UBAC2: variants seen among roughly 807,000 people sequenced by gnomAD.
The protein encoded by UBAC2 is ubiquitin-associated domain-containing protein 2.
In UBAC2, 26 loss-of-function variants were observed where a neutral mutation model predicts 44.0. The ratio of observed to expected loss-of-function variants is 0.59; its 90% CI spans 0.43 to 0.82. The LOEUF (loss-of-function observed/expected upper bound fraction) is 0.82, where lower values mean the gene tolerates loss of function less well. Among genes scored for constraint, UBAC2 ranks in the 40% least tolerant of loss-of-function variants. The pLI, the probability that UBAC2 is intolerant of heterozygous loss-of-function variation, is 0.00. For missense variants in UBAC2, 329 were observed against 419.4 expected (o/e 0.78, Z 1.88); for synonymous variants, 155 against 154.3 (o/e 1.00, Z -0.04).
chr13:99,239,459 G>A (rs1023952881), intron 2 of UBAC2, among the ~76,000 whole-genome samples: 5 of 152,100 alleles, frequency 3.3e-5, no homozygotes, highest in Admixed American at 1.3e-4. Flanking sequence ...ACAGTATCTC[G>A]CCCCAGAACA....
intron 1 of UBAC2, among the ~76,000 whole-genome samples, chr13:99,231,145 C>CA: frequency 6.6e-6 from 1 of 152,292 alleles, no homozygotes; most frequent in East Asian, 1.9e-4. Flanking sequence ...ATTCTGTCTG[C>CA]AACCTTAACT....
intron 7 of UBAC2, among the ~76,000 whole-genome samples, chr13:99,347,118 A>C (rs1175260489): frequency 3.2e-5 from 4 of 124,726 alleles, no homozygotes; most frequent in Non-Finnish European, 7.7e-5. Context: ...ATCTCTATTT[A>C]AAGAAAAAAA....
chr13:99,374,512 G>A (rs1207513242), intron 8 of UBAC2, among the ~76,000 whole-genome samples: 5 of 152,134 alleles, frequency 3.3e-5, no homozygotes, highest in Non-Finnish European at 5.9e-5. Flanking sequence ...AGAGAGAATG[G>A]CTTTAAACCC....
intron 1 of UBAC2, among the ~76,000 whole-genome samples, chr13:99,231,974 A>G (rs1286133434): frequency 6.6e-6 from 1 of 152,192 alleles, no homozygotes; most frequent in Non-Finnish European, 1.5e-5. Context: ...TTGTTTTACC[A>G]AATCATGGTA....
chr13:99,368,104 T>C (rs2138897029), intron 8 of UBAC2, among the ~76,000 whole-genome samples, 198 bp downstream of exon 8: 1 of 152,132 alleles, frequency 6.6e-6, no homozygotes, highest in East Asian at 1.9e-4. Context: ...GCATTATTGG[T>C]TGGGGGGCGG....
At position 99,318,084 on chromosome 13, in the gene UBAC2, C is replaced by T. The variant is rs746227780; in HGVS notation, c.561+15C>T. On this transcript the variant is annotated intron_variant, in intron 6 of 8. Coordinates refer to ENST00000403766, the MANE Select transcript of UBAC2 (RefSeq NM_001144072.2). Reference sequence around the variant, plus strand: ...TAAGTGGACTTGTAAGTGTGACTACCCTTTTACACCCAATTCTCTCTCTCT... The same window carrying T: ...TAAGTGGACTTGTAAGTGTGACTACTCTTTTACACCCAATTCTCTCTCTCT... The T allele has an allele frequency of 6.2e-7, 1 of 1,604,156 alleles. No homozygotes were observed. The highest frequency in any genetic ancestry group is 8.5e-7 in the Non-Finnish European group (1 of 1,172,128).
chr13:99,267,960 G>A (rs2043764893), intron 4 of UBAC2, among the ~76,000 whole-genome samples: 3 of 152,186 alleles, frequency 2.0e-5, no homozygotes, highest in Admixed American at 6.5e-5. Flanking sequence ...GGCCTGGTCT[G>A]GTGGAGCACC....
intron 6 of UBAC2, among the ~76,000 whole-genome samples, chr13:99,326,257 A>T (rs1277957495): frequency 6.6e-6 from 1 of 152,006 alleles, no homozygotes; most frequent in Middle Eastern, 3.2e-3. Flanking sequence ...GTGATACCAC[A>T]TTGTGGTTTT....
chr13:99,358,186 C>T (rs2045215465), intron 7 of UBAC2, among the ~76,000 whole-genome samples: 1 of 152,148 alleles, frequency 6.6e-6, no homozygotes, highest in Non-Finnish European at 1.5e-5. Flanking sequence ...CAGTGGCAGA[C>T]AGGAGTCTGG....
At chr13:99,219,208 C>T (rs1440679620) in intron 1 of UBAC2, among the ~76,000 whole-genome samples, 3 of 152,132 alleles carry the variant, frequency 2.0e-5, no homozygotes, top group Non-Finnish European at 2.9e-5. Context: ...TGGAGGCAGG[C>T]AGAGTTTCTG....
intron 6 of UBAC2, among the ~76,000 whole-genome samples, chr13:99,336,913 C>G (rs369389101): frequency 6.6e-6 from 1 of 152,080 alleles, no homozygotes; most frequent in African/African-American, 2.4e-5. Flanking sequence ...GCCCCCCTTC[C>G]TTCCCACCTC....
At chr13:99,201,445 T>A (rs774018277) in intron 1 of UBAC2, 1 of 1,614,052 alleles carries the variant, frequency 6.2e-7, no homozygotes, top group South Asian at 1.1e-5. Flanking sequence ...AGAAGAGTTT[T>A]TAGACAAACA....
At chr13:99,230,293 G>C (rs2043158025) in intron 1 of UBAC2, among the ~76,000 whole-genome samples, 2 of 151,996 alleles carry the variant, frequency 1.3e-5, no homozygotes. Context: ...GCAAAACCCT[G>C]TCTTTACTAA....
intron 1 of UBAC2, among the ~76,000 whole-genome samples, chr13:99,235,059 T>G (rs918325593): frequency 2.0e-5 from 3 of 152,194 alleles, no homozygotes; most frequent in Non-Finnish European, 2.9e-5. Flanking sequence ...GCGTGACTGC[T>G]TTTAGTACAA....
intron 4 of UBAC2, among the ~76,000 whole-genome samples, chr13:99,311,994 C>A (rs959979932): frequency 2.0e-5 from 3 of 152,240 alleles, no homozygotes; most frequent in African/African-American, 7.2e-5. Context: ...CTCTGTGTCC[C>A]CAGTCCTGAC....
chr13:99,283,713 CTTTTTTTTTTTTTTTTTT>C (rs71118470), intron 4 of UBAC2, among the ~76,000 whole-genome samples: 3 of 62,598 alleles, frequency 4.8e-5, no homozygotes, highest in African/African-American at 1.2e-4. Context: ...TTAATGCCAC[CTTTTTTTTTTTTTTTTTT>C]TTTTTTTTTT....
At position 99,295,584 on chromosome 13, in the gene UBAC2, C is replaced by T; in HGVS notation, c.390-18513C>T. 2 of 1,613,990 alleles carry T rather than the reference C, an allele frequency of 1.2e-6. No homozygotes were observed. Among genetic ancestry groups the T allele is most frequent in the South Asian group, 1.1e-5 (1 of 91,080 alleles). ...ATCCAGGGAAGAGATTTAGTTTCTTCAAAGTTTGGATACTCCATGCATGTA... is the reference window on the plus strand; with the variant it reads ...ATCCAGGGAAGAGATTTAGTTTCTTTAAAGTTTGGATACTCCATGCATGTA... On this transcript the variant is annotated intron_variant, in intron 4 of 8. Transcript: ENST00000403766. This position sits in a 1 kb window ranked among gnomAD's most constrained non-coding sequence, Gnocchi z 4.1.
intron 4 of UBAC2, among the ~76,000 whole-genome samples, chr13:99,289,895 C>T (rs1323210063): frequency 7.2e-5 from 11 of 152,292 alleles, no homozygotes; most frequent in Admixed American, 5.2e-4. Context: ...AAGTGACACA[C>T]GCGTCTTTTG....
intron 1 of UBAC2, 194 bp downstream of exon 1, chr13:99,201,133 C>T (rs771111132): frequency 7.4e-7 from 1 of 1,355,672 alleles, no homozygotes; most frequent in East Asian, 2.7e-5. Context: ...CCTGGAGGGG[C>T]GAATGGGGAC....
Sources: gnomAD v4.1 joint callset for allele counts (sites outside exome capture counted in the v4.1 genomes callset) on GRCh38, gnomAD v4.1.1 for gene constraint, Gnocchi (gnomAD v3.1) non-coding constraint, MANE v1.5 for transcripts, NCBI Gene and HGNC (gene_info 2026-07-23, HGNC 2026-07-21) for gene names.